PCCB: variants seen among roughly 807,000 people sequenced by gnomAD.
PCCB encodes the protein propionyl-CoA carboxylase beta chain, mitochondrial.
In PCCB, 43 loss-of-function variants were observed where a neutral mutation model predicts 60.7. The ratio of observed to expected loss-of-function variants is 0.71; its 90% CI spans 0.55 to 0.91. PCCB has a LOEUF of 0.91. PCCB is among the 40% of genes least tolerant of loss of function. The probability of loss-of-function intolerance (pLI) is 0.00; values close to 1 mark genes in which losing one functional copy is unlikely to be tolerated. For synonymous variants in PCCB, 276 were observed against 255.9 expected, an observed-to-expected ratio of 1.08 and a Z score of -0.75; for missense variants, 766 against 702.8, an observed-to-expected ratio of 1.09 and a Z score of -1.02.
chr3:136,267,275 C>T (rs1942029889), intron 5 of PCCB, among the ~76,000 whole-genome samples: 1 of 152,122 alleles, frequency 6.6e-6, no homozygotes, highest in African/African-American at 2.4e-5. Flanking sequence ...CAGCCTTGAA[C>T]TCTGGGCTCA....
intron 7 of PCCB, 35 bp downstream of exon 7, chr3:136,293,899 A>G: frequency 8.0e-7 from 1 of 1,243,620 alleles, no homozygotes; most frequent in Non-Finnish European, 1.2e-6. Flanking sequence ...GTTGTTTTCA[A>G]ACATTGAGAA....
At chr3:136,289,616 AC>A (rs1933583138) in intron 6 of PCCB, among the ~76,000 whole-genome samples, 1 of 151,806 alleles carries the variant, frequency 6.6e-6, no homozygotes, top group African/African-American at 2.4e-5. Context: ...ATACATTTAG[AC>A]CATTGACATT....
chr3:136,261,557 T>TTCTG (rs1208451768), intron 4 of PCCB, among the ~76,000 whole-genome samples: 1 of 147,592 alleles, frequency 6.8e-6, no homozygotes, highest in African/African-American at 2.6e-5. Flanking sequence ...GATTAACAGA[T>TTCTG]GGGTCAACAT....
intron 10 of PCCB, among the ~76,000 whole-genome samples, chr3:136,320,934 A>G (rs1294711505): frequency 6.6e-6 from 1 of 152,170 alleles, no homozygotes; most frequent in East Asian, 1.9e-4. Flanking sequence ...ATCTTTCATT[A>G]TTGTATAATG....
chr3:136,272,526 C>T (rs1169405431), intron 5 of PCCB, among the ~76,000 whole-genome samples: 1 of 152,002 alleles, frequency 6.6e-6, no homozygotes, highest in East Asian at 1.9e-4. Flanking sequence ...CTGATTCAGT[C>T]TCACTGCTTG....
intron 3 of PCCB, among the ~76,000 whole-genome samples, chr3:136,258,869 C>T (rs1333574388): frequency 6.6e-6 from 1 of 151,902 alleles, no homozygotes; most frequent in African/African-American, 2.4e-5. Context: ...TCCATGGTTC[C>T]TGGGTTGTCT....
chr3:136,252,577 G>A lies in PCCB; in HGVS notation c.183+2019G>A, dbSNP rs537349549. On this transcript the variant is annotated intron_variant, in intron 1 of 14. Coordinates refer to ENST00000251654, the MANE Select transcript of PCCB (RefSeq NM_000532.5). ...GGGTCTTACTCTGTCACCCAGGCTG[G>A]AGGGCAGTGGTGTAATCATGGCTCA... is the stretch of plus-strand genomic sequence containing the variant. 2.6e-5 allele frequency among the ~76,000 whole-genome samples: 4 copies of A among 151,562 alleles called. No homozygotes were observed. The South Asian group carries it at 6.3e-4, about 24-fold the overall frequency.
intron 6 of PCCB, among the ~76,000 whole-genome samples, chr3:136,285,497 C>T (rs974420891): frequency 1.3e-5 from 2 of 152,214 alleles, no homozygotes; most frequent in African/African-American, 4.8e-5. Context: ...TTCTCTCTTG[C>T]CATCCCATTC....
intron 6 of PCCB, 117 bp downstream of exon 6, chr3:136,284,064 G>T: frequency 1.4e-6 from 1 of 734,860 alleles, no homozygotes; most frequent in Non-Finnish European, 2.4e-6. Context: ...TTGGCTTTCA[G>T]CATAGTGATG....
chr3:136,304,099 G>A lies in PCCB; in HGVS notation c.966+2988G>A, dbSNP rs1235882396. Among the ~76,000 whole-genome samples the A allele has an allele frequency of 5.0e-5, 6 of 119,958 alleles. 3 individuals are homozygous for A. Among genetic ancestry groups the A allele is most frequent in the Non-Finnish European group, 7.4e-5 (4 of 54,108 alleles). The allele number at this position is 119,958 out of a possible 152,430, so 78.7% of individuals were successfully genotyped here. ...GACTACACTCTTGCTGTGTCCTCAC[G>A]AGGTCTTTGCTCTCAGTGCATGCAG... On this transcript the variant is annotated intron_variant, in intron 9 of 14. Transcript: ENST00000251654.
intron 8 of PCCB, among the ~76,000 whole-genome samples, chr3:136,298,443 AAAGG>A (rs1283762525): frequency 2.6e-5 from 4 of 152,126 alleles, no homozygotes; most frequent in African/African-American, 9.7e-5. Context: ...CTCACCCACA[AAAGG>A]AAGAGCCATG....
intron 10 of PCCB, among the ~76,000 whole-genome samples, chr3:136,320,407 C>T (rs547641173): frequency 9.2e-5 from 14 of 152,212 alleles, no homozygotes; most frequent in African/African-American, 3.4e-4. Context: ...AGCCTATCAC[C>T]TCTTTGGTTA....
At chr3:136,294,650 GC>G (rs567528434) in intron 7 of PCCB, among the ~76,000 whole-genome samples, 95 of 152,002 alleles carry the variant, frequency 6.2e-4, no homozygotes, top group African/African-American at 2.2e-3. Flanking sequence ...TCATGCTATT[GC>G]CCAGGCTGGA....
At chr3:136,280,598 G>T (rs550407159) in intron 5 of PCCB, among the ~76,000 whole-genome samples, 1 of 152,294 alleles carries the variant, frequency 6.6e-6, no homozygotes, top group Admixed American at 6.5e-5. Context: ...CACCTGCCTT[G>T]GTCTCCCAAA....
At chr3:136,280,113 A>G (rs1390889763) in intron 5 of PCCB, among the ~76,000 whole-genome samples, 1 of 152,232 alleles carries the variant, frequency 6.6e-6, no homozygotes, top group East Asian at 1.9e-4. Context: ...ATATTTACCT[A>G]GGAAGTTACA....
At chr3:136,256,194 C>T (rs186181644) in intron 2 of PCCB, 7 of 625,498 alleles carry the variant, frequency 1.1e-5, no homozygotes, top group East Asian at 5.8e-5. Context: ...CCACCCACCT[C>T]GGACTCCCAA....
chr3:136,293,778 C>CA lies in PCCB; in HGVS notation c.677_678insA (p.Gly227TrpfsTer3). The CA allele has an allele frequency of 6.2e-7, 1 of 1,612,148 alleles. No homozygotes were observed. The highest frequency in any genetic ancestry group is 1.1e-5 in the South Asian group (1 of 91,050). On this transcript the variant is annotated frameshift_variant, in exon 7 of 15. Coordinates refer to ENST00000251654, the MANE Select transcript of PCCB (RefSeq NM_000532.5). LOFTEE classifies it high-confidence loss of function. Reference sequence around the variant, plus strand: ...CAGGACACCTCCTACCTGTTCATCACTGGCCCTGATGTTGTGAAGTCTGTC... The same window carrying CA: ...CAGGACACCTCCTACCTGTTCATCACATGGCCCTGATGTTGTGAAGTCTGTC...
chr3:136,255,737 A>G (rs1941654812), intron 1 of PCCB, 119 bp from the exon 2 acceptor site: 1 of 855,730 alleles, frequency 1.2e-6, no homozygotes, highest in Non-Finnish European at 2.0e-6. Context: ...ATAGAATGAA[A>G]GTACTTGCAT....
chr3:136,260,610 C>G, intron 4 of PCCB, 75 bp downstream of exon 4: 1 of 1,244,730 alleles, frequency 8.0e-7, no homozygotes, highest in Non-Finnish European at 1.2e-6. Flanking sequence ...CTTTGGGGTA[C>G]AAGACACTGA....
Sources: gnomAD v4.1 joint callset for allele counts (sites outside exome capture counted in the v4.1 genomes callset) on GRCh38, gnomAD v4.1.1 for gene constraint, MANE v1.5 for transcripts, NCBI Gene and HGNC (gene_info 2026-07-23, HGNC 2026-07-21) for gene names.